NKAIN2: variants seen among roughly 807,000 people sequenced by gnomAD.
NKAIN2 encodes sodium/potassium transporting ATPase interacting 2, also known as sodium/potassium-transporting ATPase subunit beta-1-interacting protein 2.
In NKAIN2, 14 loss-of-function variants were observed where a neutral mutation model predicts 32.6. The observed-to-expected ratio is 0.43, with a 90% CI of 0.28 to 0.67. NKAIN2 has a LOEUF of 0.67. Among genes scored for constraint, NKAIN2 ranks in the 30% least tolerant of loss-of-function variants. The pLI is 0.17. For missense variants in NKAIN2, 198 were observed against 258.3 expected, an observed-to-expected ratio of 0.77 and a Z score of 1.60; for synonymous variants, 80 against 87.2, an observed-to-expected ratio of 0.92 and a Z score of 0.46.
chr6:124,271,541 C>T (rs1320921374), intron 1 of NKAIN2, among the ~76,000 whole-genome samples: 2 of 152,126 alleles, frequency 1.3e-5, no homozygotes, highest in Admixed American at 6.5e-5. Context: ...TACAAATTAC[C>T]CAGTCTCAGA....
At chr6:124,587,312 C>G (rs1056817862) in intron 3 of NKAIN2, among the ~76,000 whole-genome samples, 2 of 152,040 alleles carry the variant, frequency 1.3e-5, no homozygotes, top group South Asian at 2.1e-4. Flanking sequence ...TCAATGCAAC[C>G]TCCGCCTCCT....
intron 1 of NKAIN2, among the ~76,000 whole-genome samples, chr6:123,845,572 C>T (rs1244027900): frequency 6.6e-6 from 1 of 152,156 alleles, no homozygotes; most frequent in East Asian, 1.9e-4. Flanking sequence ...TCTGTGGGCC[C>T]ACCCATAATC....
At chr6:124,478,112 C>A (rs1461018994) in intron 3 of NKAIN2, among the ~76,000 whole-genome samples, 5 of 152,018 alleles carry the variant, frequency 3.3e-5, no homozygotes, top group Non-Finnish European at 7.4e-5. Context: ...AATTTCCTCT[C>A]AAAATGGTTG....
At chr6:124,516,626 G>T (rs1221366457) in intron 3 of NKAIN2, among the ~76,000 whole-genome samples, 1 of 152,078 alleles carries the variant, frequency 6.6e-6, no homozygotes, top group Non-Finnish European at 1.5e-5. Flanking sequence ...AAACACATTT[G>T]TGTTCCTCAG....
rs1017539519 is a variant in NKAIN2 at position 124,232,637 on chromosome 6, T to G, written c.55-50368T>G. On this transcript the variant is annotated intron_variant, in intron 1 of 6. Coordinates refer to ENST00000368417, the MANE Select transcript of NKAIN2 (RefSeq NM_001040214.3). ...TCTGTCTCTATGTTATCCCCCCACT[T>G]TCCTGATTGAATCTGTGTATTTTGC... Among the ~76,000 whole-genome samples, 3 of 152,174 alleles carry G rather than the reference T, an allele frequency of 2.0e-5. No individual in the cohort carries two copies. In the East Asian group the frequency reaches 5.8e-4, roughly 29 times the overall value.
chr6:123,809,366 G>T (rs974148499), intron 1 of NKAIN2, among the ~76,000 whole-genome samples: 1 of 151,816 alleles, frequency 6.6e-6, no homozygotes, highest in African/African-American at 2.4e-5. Flanking sequence ...GATAGAATAA[G>T]TACTCTATTT....
intron 1 of NKAIN2, among the ~76,000 whole-genome samples, chr6:123,937,695 G>A (rs9491006): frequency 0.36 from 54,057 of 151,852 alleles, 10,018 homozygotes; most frequent in East Asian, 0.61. Flanking sequence ...GCAGTGGTAA[G>A]CTCTGCTAAT....
rs1205356705 is a variant in NKAIN2, at chr6:123,971,948, GCTTA to G, written c.54+167699_54+167702del. Among the ~76,000 whole-genome samples, 7 of 152,154 alleles carry G rather than the reference GCTTA, an allele frequency of 4.6e-5. 1 individual carries two copies. The highest frequency in any genetic ancestry group is 3.3e-4 in the Admixed American group (5 of 15,250). ...AACAACATGGGTTTGAACCACACAA[GCTTA>G]CTTATGCTCAGATTTCTTCTGCCTC... On this transcript the variant is annotated intron_variant, in intron 1 of 6. Coordinates refer to ENST00000368417, the MANE Select transcript of NKAIN2 (RefSeq NM_001040214.3).
In NKAIN2 at chr6:124,227,388, T is replaced by C. The variant is rs151060227; in HGVS notation, c.55-55617T>C. 8.7e-3 allele frequency among the ~76,000 whole-genome samples: 1,323 copies of C among 152,324 alleles called. 14 individuals are homozygous for C. Among genetic ancestry groups the C allele is most frequent in the Non-Finnish European group, 0.014 (948 of 68,020 alleles). ...TTGCTGTTTTGCAAAACTCTTCTAA[T>C]ATTGAAGTTGGCATTTACACTCACG... On this transcript the variant is annotated intron_variant, in intron 1 of 6. Coordinates refer to ENST00000368417, the MANE Select transcript of NKAIN2 (RefSeq NM_001040214.3).
rs1284206995 is a variant in NKAIN2 at position 123,950,589 on chromosome 6, G to C, written c.54+146335G>C. 3.2e-5 allele frequency among the ~76,000 whole-genome samples: 3 copies of C among 94,242 alleles called. No individual in the cohort carries two copies. In the East Asian group the frequency reaches 1.5e-3, roughly 47 times the overall value. The allele number at this position is 94,242 out of a possible 152,430, so 61.8% of individuals were successfully genotyped here. A position where few individuals can be genotyped will look rare whatever the true frequency, so the allele number is the denominator to read the frequency against. On this transcript the variant is annotated intron_variant, in intron 1 of 6. Transcript: ENST00000368417. ...AGGTTTTCTAGTTTGTCACTGTGTA[G>C]TTGTTTATAATAGTCTCGATGATCT...
At chr6:124,203,709 G>A (rs1790705607) in intron 1 of NKAIN2, among the ~76,000 whole-genome samples, 1 of 151,896 alleles carries the variant, frequency 6.6e-6, no homozygotes, top group South Asian at 2.1e-4. Context: ...ACGGGAGCAA[G>A]TATCTTGAAA....
intron 1 of NKAIN2, among the ~76,000 whole-genome samples, chr6:124,178,356 G>A (rs929473192): frequency 6.6e-6 from 1 of 150,642 alleles, no homozygotes; most frequent in African/African-American, 2.5e-5. Flanking sequence ...GGAGCGCAGT[G>A]GCATGATCTA....
At chr6:124,341,477 T>A (rs1270855626) in intron 2 of NKAIN2, among the ~76,000 whole-genome samples, 1 of 152,186 alleles carries the variant, frequency 6.6e-6, no homozygotes, top group African/African-American at 2.4e-5. Flanking sequence ...ATTTCCCTTT[T>A]TGATGCTCAA....
At chr6:124,209,040 T>A (rs1791038573) in intron 1 of NKAIN2, among the ~76,000 whole-genome samples, 1 of 151,588 alleles carries the variant, frequency 6.6e-6, no homozygotes, top group Non-Finnish European at 1.5e-5. Context: ...CACCTTATTT[T>A]GGTACTGAAT....
chr6:124,009,203 C>T (rs1416857396), intron 1 of NKAIN2, among the ~76,000 whole-genome samples: 1 of 152,086 alleles, frequency 6.6e-6, no homozygotes, highest in Non-Finnish European at 1.5e-5. Context: ...AGGGCTGTCT[C>T]TCTCTCTGTT....
intron 1 of NKAIN2, among the ~76,000 whole-genome samples, chr6:124,142,988 A>G (rs1306830518): frequency 1.3e-5 from 2 of 152,210 alleles, no homozygotes; most frequent in Non-Finnish European, 2.9e-5. Context: ...TAACCATTAT[A>G]TGAGTTTTAA....
At chr6:123,837,424 CTTGT>C (rs1402108677) in intron 1 of NKAIN2, among the ~76,000 whole-genome samples, 1 of 152,054 alleles carries the variant, frequency 6.6e-6, no homozygotes, top group Non-Finnish European at 1.5e-5. Context: ...CTTGACAACT[CTTGT>C]TTCTCTTCCA....
At chr6:124,347,330 G>A (rs1344461867) in intron 2 of NKAIN2, among the ~76,000 whole-genome samples, 13 of 151,692 alleles carry the variant, frequency 8.6e-5, no homozygotes, top group African/African-American at 2.2e-4. Context: ...TGCTCTTCTC[G>A]AGGAGTATCT....
chr6:124,684,979 TC>T (rs1773792710), intron 4 of NKAIN2, among the ~76,000 whole-genome samples: 1 of 152,182 alleles, frequency 6.6e-6, no homozygotes, highest in Non-Finnish European at 1.5e-5. Flanking sequence ...TCCCATAAGA[TC>T]CAGCTCATAT....
Sources: gnomAD v4.1 joint callset for allele counts (sites outside exome capture counted in the v4.1 genomes callset) on GRCh38, gnomAD v4.1.1 for gene constraint, MANE v1.5 for transcripts, NCBI Gene and HGNC (gene_info 2026-07-23, HGNC 2026-07-21) for gene names.